The following LAMC3 variants were observed in gnomAD, a reference collection of about 807,000 sequenced individuals.
LAMC3 encodes the protein laminin subunit gamma 3.
Under a neutral mutation model 173.8 loss-of-function variants are expected in LAMC3, and 128 were observed. The observed-to-expected ratio is 0.74, with a 90% confidence interval of 0.64 to 0.85. The LOEUF (loss-of-function observed/expected upper bound fraction) is 0.85, where lower values mean the gene tolerates loss of function less well. LAMC3 is among the 40% of genes least tolerant of loss of function. The pLI is 0.00. For missense variants in LAMC3, 2,022 were observed against 2,156.0 expected (o/e 0.94, Z 1.23); for synonymous variants, 897 against 909.1 (o/e 0.99, Z 0.24).
chr9:131,091,562 A>G lies in LAMC3; in HGVS notation c.4503A>G (p.Pro1501=). Residue 1501 remains proline, a synonymous_variant, in exon 28 of 28, where the codon CCA becomes CCG. Transcript: ENST00000361069. ...GGTCGCTGGACACCCATCAAGCCCC[A>G]GCCCAGGCCCTGAACGAGACTCAGT... ...RLGSLDTHQA[P]AQALNETQWA... 1 of 1,587,232 alleles carries G rather than the reference A, an allele frequency of 6.3e-7. No individual in the cohort carries two copies. The highest frequency in any genetic ancestry group is 8.6e-7 in the Non-Finnish European group (1 of 1,167,240).
chr9:131,064,254 A>G (rs189953116), intron 13 of LAMC3, among the ~76,000 whole-genome samples: 5 of 152,342 alleles, frequency 3.3e-5, no homozygotes, highest in East Asian at 1.9e-4. Context: ...TTGAGGACAC[A>G]AGGAGCTCAC....
At position 131,091,885 on chromosome 9, in the gene LAMC3, C is replaced by A; in HGVS notation, c.*98C>A. On this transcript the variant is annotated 3_prime_UTR_variant, in exon 28 of 28. Transcript: ENST00000361069. ...CAGGTGTGCCCATACAGACATTCCC[C>A]GGAGCCGGCTGCTGTGAACTCGCCC... The A allele has an allele frequency of 1.4e-6, 2 of 1,458,914 alleles. No homozygotes were observed. Among genetic ancestry groups the A allele is most frequent in the South Asian group, 1.2e-5 (1 of 81,270 alleles). The allele number at this position is 1,458,914 out of a possible 1,614,324, so 90.4% of individuals were successfully genotyped here.
Position 131,092,238 on chromosome 9 carries a change from T to G in LAMC3, c.*451T>G, listed in dbSNP as rs1830439654. On this transcript the variant is annotated 3_prime_UTR_variant, in exon 28 of 28. Transcript: ENST00000361069. ...ACATGAGATGCCCTGGGGTGCTACA[T>G]CCACTCACTCCAGATAGCAGGGAGG... is the stretch of plus-strand genomic sequence containing the variant. 1.2e-5 allele frequency: 3 copies of G among 242,732 alleles called. No individual in the cohort carries two copies. The highest frequency in any genetic ancestry group is 1.6e-5 in the Non-Finnish European group (2 of 121,844). The allele number at this position is 242,732 out of a possible 1,614,324, so 15.0% of individuals were successfully genotyped here.
At position 131,053,019 on chromosome 9, in the gene LAMC3, C is replaced by T. The variant is rs531497868; in HGVS notation, c.1939+54C>T. On this transcript the variant is annotated intron_variant, in intron 11 of 27. Coordinates refer to ENST00000361069, the MANE Select transcript of LAMC3 (RefSeq NM_006059.4). ...CCCGAGTGCTTGCCAGGTCTCAGAA[C>T]TGGGCTGGGCTCCGGCGGTCACAGT... 6.2e-5 allele frequency: 81 copies of T among 1,316,662 alleles called. No homozygotes were observed. In the East Asian group the frequency reaches 1.8e-3, roughly 30 times the overall value. 81.6% of individuals were successfully genotyped at this position (1,316,662 alleles called of 1,614,324 possible).
At chr9:131,015,518 C>T (rs1256898003) in intron 1 of LAMC3, among the ~76,000 whole-genome samples, 2 of 152,220 alleles carry the variant, frequency 1.3e-5, no homozygotes, top group Non-Finnish European at 2.9e-5. Flanking sequence ...GCACCCCTCG[C>T]CCTGACTCGG....
At chr9:131,059,944 G>C (rs1829775588) in intron 12 of LAMC3, among the ~76,000 whole-genome samples, 1 of 152,308 alleles carries the variant, frequency 6.6e-6, no homozygotes, top group Admixed American at 6.5e-5. Context: ...CTGCTGGGGT[G>C]CTGCCTGGGG....
rs972480833 is a variant in LAMC3 at position 131,026,741 on chromosome 9, G to C, written c.678+152G>C. 2 of 1,345,108 alleles carry C rather than the reference G, an allele frequency of 1.5e-6. No individual in the cohort carries two copies. The highest frequency in any genetic ancestry group is 2.9e-5 in the African/African-American group (2 of 67,982). 83.3% of individuals were successfully genotyped at this position (1,345,108 alleles called of 1,614,324 possible). A position where few individuals can be genotyped will look rare whatever the true frequency, so the allele number is the denominator to read the frequency against. ...CTTTTATTTTTGGAGACTGAGTCTT[G>C]CTCTGTCGCCCAGGCTGGAGTGCAG... On this transcript the variant is annotated intron_variant, in intron 2 of 27. Transcript: ENST00000361069. This position sits in a 1 kb window ranked among gnomAD's most constrained non-coding sequence, Gnocchi z 4.8.
At position 131,061,033 on chromosome 9, in the gene LAMC3, A is replaced by G. The variant is rs777465160; in HGVS notation, c.2159-2A>G. 4 of 1,613,990 alleles carry G rather than the reference A, an allele frequency of 2.5e-6. No homozygotes were observed. The highest frequency in any genetic ancestry group is 1.1e-5 in the South Asian group (1 of 91,068). Reference sequence around the variant, plus strand: ...GACAGTGGTGCTTGTCTTGCCCCTCAGGGATCTGTGTCTGCAGCCACCATA... The same window carrying G: ...GACAGTGGTGCTTGTCTTGCCCCTCGGGGATCTGTGTCTGCAGCCACCATA... On this transcript the variant is annotated splice_acceptor_variant, in intron 12 of 27. Coordinates refer to ENST00000361069, the MANE Select transcript of LAMC3 (RefSeq NM_006059.4). LOFTEE classifies it high-confidence loss of function.
intron 2 of LAMC3, 33 bp from the exon 3 acceptor site, chr9:131,032,012 C>A: frequency 6.2e-7 from 1 of 1,614,048 alleles, no homozygotes; most frequent in Non-Finnish European, 8.5e-7. Context: ...TACTCAGGAA[C>A]CTGCTGATGG....
chr9:131,025,477 G>A lies in LAMC3; in HGVS notation c.374-808G>A, dbSNP rs1393148336. On this transcript the variant is annotated intron_variant, in intron 1 of 27. Transcript: ENST00000361069. ...CAGCTGGGTGTCGGGGGCATGTGGGGGAGTGGGGCTAAAGCCCAGGGAAGG... is the reference window on the plus strand; with the variant it reads ...CAGCTGGGTGTCGGGGGCATGTGGGAGAGTGGGGCTAAAGCCCAGGGAAGG... Among the ~76,000 whole-genome samples the A allele has an allele frequency of 2.6e-5, 4 of 152,246 alleles. No homozygotes were observed. In the East Asian group the frequency reaches 7.7e-4, roughly 29 times the overall value.
Position 131,026,683 on chromosome 9 carries a change from G to C in LAMC3, c.678+94G>C. ...GATGTGCCAGGACACACAGGGTGGGGGACCTGCAAAACCCCATGGTTTTCT... is the reference window on the plus strand; with the variant it reads ...GATGTGCCAGGACACACAGGGTGGGCGACCTGCAAAACCCCATGGTTTTCT... On this transcript the variant is annotated intron_variant, in intron 2 of 27. Coordinates refer to ENST00000361069, the MANE Select transcript of LAMC3 (RefSeq NM_006059.4). The surrounding 1 kb of genome is among the most constrained non-coding windows in gnomAD (Gnocchi z 4.8). 2 of 1,438,676 alleles carry C rather than the reference G, an allele frequency of 1.4e-6. No homozygotes were observed. The highest frequency in any genetic ancestry group is 1.5e-5 in the South Asian group (1 of 67,570). 89.1% of individuals were successfully genotyped at this position (1,438,676 alleles called of 1,614,324 possible).
chr9:131,014,402 C>CT (rs1833482101), intron 1 of LAMC3, among the ~76,000 whole-genome samples: 1 of 152,348 alleles, frequency 6.6e-6, no homozygotes, highest in Non-Finnish European at 1.5e-5. Flanking sequence ...GTCTGTCTGC[C>CT]CCACTCAGCT....
At chr9:131,030,904 T>C (rs1462518501) in intron 2 of LAMC3, among the ~76,000 whole-genome samples, 2 of 152,256 alleles carry the variant, frequency 1.3e-5, no homozygotes, top group Non-Finnish European at 2.9e-5. Flanking sequence ...AATCAGAAGC[T>C]GCACTTTAAC....
chr9:131,080,117 T>A (rs1289525295), intron 23 of LAMC3, among the ~76,000 whole-genome samples: 4 of 151,140 alleles, frequency 2.6e-5, no homozygotes, highest in Admixed American at 2.6e-4. Flanking sequence ...GGACTACAGG[T>A]GTGTGCCACC....
intron 24 of LAMC3, among the ~76,000 whole-genome samples, chr9:131,083,126 G>T (rs115801844): frequency 5.0e-4 from 76 of 152,312 alleles, no homozygotes; most frequent in African/African-American, 1.4e-3. Context: ...TAGAACATTA[G>T]AATTATAAGA....
In LAMC3 at chr9:131,009,319, C is replaced by T. The variant is rs997392279; in HGVS notation, c.105C>T (p.Cys35=). 18 of 1,473,958 alleles carry T rather than the reference C, an allele frequency of 1.2e-5. No individual in the cohort carries two copies. The African/African-American group carries it at 1.9e-4, about 16-fold the overall frequency. 91.3% of individuals were successfully genotyped at this position (1,473,958 alleles called of 1,614,324 possible). ...CYDGAGRPQR[C]LPVFENAAFG... The stretch of plus-strand genomic sequence containing the variant: ...ACGGCGCAGGGCGCCCGCAGCGCTG[C>T]CTGCCGGTGTTCGAGAACGCGGCGT... Residue 35 remains cysteine, a synonymous_variant, in exon 1 of 28, where the codon TGC becomes TGT. Coordinates refer to ENST00000361069, the MANE Select transcript of LAMC3 (RefSeq NM_006059.4). The surrounding 1 kb of genome is among the most constrained non-coding windows in gnomAD (Gnocchi z 4.3).
rs1025094145 is a variant in LAMC3, at chr9:131,026,099, C to A, written c.374-186C>A. 2.6e-5 allele frequency among the ~76,000 whole-genome samples: 4 copies of A among 152,206 alleles called. No homozygotes were observed. The highest frequency in any genetic ancestry group is 9.7e-5 in the African/African-American group (4 of 41,436). Reference sequence around the variant, plus strand: ...AGCAAATACTTGGGAAGCATGTGGGCATTGTCCTTTCCAGTGCCCCAGCAG... The same window carrying A: ...AGCAAATACTTGGGAAGCATGTGGGAATTGTCCTTTCCAGTGCCCCAGCAG... On this transcript the variant is annotated intron_variant, in intron 1 of 27. Transcript: ENST00000361069. This position sits in a 1 kb window ranked among gnomAD's most constrained non-coding sequence, Gnocchi z 4.8.
intron 9 of LAMC3, among the ~76,000 whole-genome samples, chr9:131,050,764 T>A (rs1384359753): frequency 9.8e-6 from 1 of 101,924 alleles, no homozygotes; most frequent in Non-Finnish European, 2.0e-5. Flanking sequence ...TGAGACTCCA[T>A]CTCCAAAAAA....
rs368649409 is a variant in LAMC3, at chr9:131,012,439, C to T, written c.373+2852C>T. Among the ~76,000 whole-genome samples, 22 of 152,354 alleles carry T rather than the reference C, an allele frequency of 1.4e-4. No individual in the cohort carries two copies. The South Asian group carries it at 2.1e-3, about 14-fold the overall frequency. On this transcript the variant is annotated intron_variant, in intron 1 of 27. Coordinates refer to ENST00000361069, the MANE Select transcript of LAMC3 (RefSeq NM_006059.4). ...AGCCATGGCAGTCCCTGTGTGTGAC[C>T]AGCGTGGCTGCTGAGACAGCTCAGG...
Sources: allele counts gnomAD v4.1 joint callset (sites outside exome capture counted in the v4.1 genomes callset), GRCh38; gene constraint gnomAD v4.1.1; non-coding constraint Gnocchi (gnomAD v3.1); transcripts MANE v1.5; gene names NCBI Gene and HGNC (gene_info 2026-07-23, HGNC 2026-07-21).